The following ITFG1 variants were observed in gnomAD, a reference collection of about 807,000 sequenced individuals.
The protein encoded by ITFG1 is integrin alpha FG-GAP repeat containing 1.
In ITFG1, 34 loss-of-function variants were observed where a neutral mutation model predicts 81.8. That is an observed-to-expected ratio of 0.42 (90% confidence interval 0.32 to 0.55). ITFG1 has a LOEUF of 0.55. Ranked by LOEUF, ITFG1 falls within the 20% of genes least tolerant of loss-of-function variation. The pLI is 0.17. For missense variants in ITFG1, 672 were observed against 755.4 expected (o/e 0.89, Z 1.29); for synonymous variants, 285 against 270.6 (o/e 1.05, Z -0.52).
At chr16:47,276,372 A>T (rs1400772904) in intron 10 of ITFG1, among the ~76,000 whole-genome samples, 1 of 152,208 alleles carries the variant, frequency 6.6e-6, no homozygotes, top group Non-Finnish European at 1.5e-5. Flanking sequence ...GCAAAACATT[A>T]CCAGGGGAAA....
Position 47,446,477 on chromosome 16 carries a change from T to C in ITFG1, c.560+4919A>G, listed in dbSNP as rs142524373. Among the ~76,000 whole-genome samples, 4 of 152,226 alleles carry C rather than the reference T, an allele frequency of 2.6e-5. No individual in the cohort carries two copies. The East Asian group carries it at 7.7e-4, about 29-fold the overall frequency. ...TATACTTTGTCCCAATGTTTCTACCTTCCTAGGGGGTGCAACAGTAAGACT... is the reference window on the plus strand; with the variant it reads ...TATACTTTGTCCCAATGTTTCTACCCTCCTAGGGGGTGCAACAGTAAGACT... On this transcript the variant is annotated intron_variant, in intron 5 of 17. Coordinates refer to ENST00000320640, the MANE Select transcript of ITFG1 (RefSeq NM_030790.5).
chr16:47,268,069 A>C (rs1966297266), intron 10 of ITFG1, among the ~76,000 whole-genome samples: 1 of 152,096 alleles, frequency 6.6e-6, no homozygotes, highest in Non-Finnish European at 1.5e-5. Flanking sequence ...CAGGAAAAAA[A>C]TAGAGAAAAA....
At chr16:47,263,421 A>C in intron 10 of ITFG1, 1 of 444,340 alleles carries the variant, frequency 2.3e-6, no homozygotes, top group Non-Finnish European at 4.6e-6. Flanking sequence ...AACCTCTACC[A>C]TGTGCAGGAG....
intron 13 of ITFG1, among the ~76,000 whole-genome samples, chr16:47,221,516 T>G (rs1965691070): frequency 6.6e-6 from 1 of 152,244 alleles, no homozygotes; most frequent in Admixed American, 6.5e-5. Context: ...TGCATCAATG[T>G]TCATCAAGGA....
At chr16:47,250,916 G>A (rs1966067011) in intron 12 of ITFG1, among the ~76,000 whole-genome samples, 1 of 152,194 alleles carries the variant, frequency 6.6e-6, no homozygotes, top group Admixed American at 6.5e-5. Context: ...GGGGAATGGA[G>A]GGTCTCTGGA....
intron 10 of ITFG1, among the ~76,000 whole-genome samples, chr16:47,278,701 CTAGGGAAAAGCCAG>C (rs1201019060): frequency 6.6e-6 from 1 of 152,112 alleles, no homozygotes; most frequent in Non-Finnish European, 1.5e-5. Context: ...TGCTGTTACT[CTAGGGAAAAGCCAG>C]TAGTGGCAAT....
In ITFG1 at chr16:47,432,057, T is replaced by C. The variant is rs567136148; in HGVS notation, c.561-3159A>G. On this transcript the variant is annotated intron_variant, in intron 5 of 17. Transcript: ENST00000320640. ...TTTAGGAACTTTCTCTTTGATGCTG[T>C]AAAGCTTCCCCAGAAACCTTGACTC... Among the ~76,000 whole-genome samples the C allele has an allele frequency of 6.6e-5, 10 of 152,298 alleles. No individual in the cohort carries two copies. In the East Asian group the frequency reaches 1.7e-3, roughly 26 times the overall value.
At chr16:47,293,682 A>T (rs1966942890) in intron 10 of ITFG1, among the ~76,000 whole-genome samples, 1 of 151,874 alleles carries the variant, frequency 6.6e-6, no homozygotes, top group Non-Finnish European at 1.5e-5. Flanking sequence ...TCCTTTGCCC[A>T]CTTTTAAATG....
At chr16:47,222,517 C>G (rs1351353607) in intron 13 of ITFG1, among the ~76,000 whole-genome samples, 1 of 151,832 alleles carries the variant, frequency 6.6e-6, no homozygotes, top group African/African-American at 2.4e-5. Flanking sequence ...AGGTTCACGC[C>G]ATTCTCCTGC....
intron 14 of ITFG1, among the ~76,000 whole-genome samples, chr16:47,199,492 G>A (rs1448156423): frequency 6.6e-6 from 1 of 152,078 alleles, no homozygotes; most frequent in Non-Finnish European, 1.5e-5. Flanking sequence ...CCTTTTCTAT[G>A]TTTAGGTATC....
chr16:47,397,967 T>C (rs1473343814), intron 6 of ITFG1, among the ~76,000 whole-genome samples: 1 of 152,240 alleles, frequency 6.6e-6, no homozygotes, highest in Non-Finnish European at 1.5e-5. Flanking sequence ...TGGAGCCTTA[T>C]CAATAATTTA....
intron 8 of ITFG1, among the ~76,000 whole-genome samples, chr16:47,346,256 T>C (rs1300213746): frequency 6.6e-6 from 1 of 152,150 alleles, no homozygotes; most frequent in Non-Finnish European, 1.5e-5. Context: ...CACAACTGTA[T>C]AAAAATACTC....
At chr16:47,387,465 C>G (rs1416782676) in intron 6 of ITFG1, among the ~76,000 whole-genome samples, 1 of 152,108 alleles carries the variant, frequency 6.6e-6, no homozygotes, top group Non-Finnish European at 1.5e-5. Flanking sequence ...TGCCCTATAT[C>G]TGGGCAAGCT....
intron 5 of ITFG1, among the ~76,000 whole-genome samples, chr16:47,431,085 T>G (rs1415602705): frequency 6.6e-6 from 1 of 152,220 alleles, no homozygotes; most frequent in African/African-American, 2.4e-5. Context: ...AACAAAAGGT[T>G]ACGTACTGGA....
At chr16:47,211,872 T>C (rs1284773539) in intron 14 of ITFG1, among the ~76,000 whole-genome samples, 1 of 152,112 alleles carries the variant, frequency 6.6e-6, no homozygotes, top group Non-Finnish European at 1.5e-5. Context: ...TTGATCATGG[T>C]GTATAATTAT....
intron 14 of ITFG1, among the ~76,000 whole-genome samples, chr16:47,186,620 A>G (rs965743424): frequency 9.9e-5 from 15 of 152,214 alleles, no homozygotes; most frequent in Non-Finnish European, 2.2e-4. Flanking sequence ...TCAAAATAAT[A>G]AGAGCTATCT....
intron 8 of ITFG1, among the ~76,000 whole-genome samples, chr16:47,319,592 T>G (rs1264137264): frequency 1.3e-5 from 2 of 152,126 alleles, no homozygotes; most frequent in African/African-American, 4.8e-5. Context: ...TACTCAAGGG[T>G]TGAGACTTAC....
At chr16:47,403,716 C>A (rs1199787478) in intron 6 of ITFG1, among the ~76,000 whole-genome samples, 1 of 151,148 alleles carries the variant, frequency 6.6e-6, no homozygotes, top group Non-Finnish European at 1.5e-5. Flanking sequence ...TTAATACTCA[C>A]TTTTAGACAG....
intron 8 of ITFG1, among the ~76,000 whole-genome samples, chr16:47,315,708 A>C (rs2151566337): frequency 6.6e-6 from 1 of 152,070 alleles, no homozygotes; most frequent in East Asian, 1.9e-4. Context: ...TATTTTATAG[A>C]TATGGTCACA....
Sources: allele counts gnomAD v4.1 joint callset (sites outside exome capture counted in the v4.1 genomes callset), GRCh38; gene constraint gnomAD v4.1.1; transcripts MANE v1.5; gene names NCBI Gene and HGNC (gene_info 2026-07-23, HGNC 2026-07-21).